The following EML4 variants were observed in gnomAD, a reference collection of about 807,000 sequenced individuals.
EML4 encodes the protein EMAP like 4, also known as echinoderm microtubule-associated protein-like 4.
A neutral mutation model predicts 129.0 loss-of-function variants in EML4; 72 were observed. That is an observed-to-expected ratio of 0.56 (90% CI 0.46 to 0.68). The LOEUF (loss-of-function observed/expected upper bound fraction) is 0.68, where lower values mean the gene tolerates loss of function less well. Among genes scored for constraint, EML4 ranks in the 30% least tolerant of loss-of-function variants. The probability of loss-of-function intolerance (pLI) is 0.00; values close to 1 mark genes in which losing one functional copy is unlikely to be tolerated. For synonymous variants in EML4, 532 were observed against 405.0 expected (o/e 1.31, Z -3.77); for missense variants, 1,363 against 1,190.6 (o/e 1.14, Z -2.13).
chr2:42,291,398 C>CTTTT (rs5830720), intron 11 of EML4, among the ~76,000 whole-genome samples: 12 of 123,146 alleles, frequency 9.7e-5, no homozygotes, highest in Non-Finnish European at 1.3e-4. Flanking sequence ...ATCAAGACAC[C>CTTTT]TTTTTTTTTT....
chr2:42,175,039 A>G (rs1215727948), intron 1 of EML4, among the ~76,000 whole-genome samples: 1 of 147,824 alleles, frequency 6.8e-6, no homozygotes, highest in Admixed American at 6.8e-5. Flanking sequence ...CTGGTCTTGA[A>G]CTCCTGACCT....
intron 2 of EML4, among the ~76,000 whole-genome samples, chr2:42,249,000 C>G (rs1227415629): frequency 6.6e-6 from 1 of 152,082 alleles, no homozygotes; most frequent in Non-Finnish European, 1.5e-5. Context: ...CAACTCTGAA[C>G]AGCTTTATCT....
chr2:42,265,775 A>G (rs1666027823), intron 6 of EML4, among the ~76,000 whole-genome samples: 1 of 152,226 alleles, frequency 6.6e-6, no homozygotes. Flanking sequence ...TGATGAGTCT[A>G]GCAAATCCAT....
chr2:42,258,174 T>C (rs1057040248), intron 3 of EML4, among the ~76,000 whole-genome samples: 1 of 152,132 alleles, frequency 6.6e-6, no homozygotes, highest in African/African-American at 2.4e-5. Flanking sequence ...TATTTTGCTT[T>C]TAAATAACCC....
intron 6 of EML4, among the ~76,000 whole-genome samples, chr2:42,276,974 C>G (rs142510456): frequency 2.0e-5 from 3 of 152,278 alleles, no homozygotes; most frequent in African/African-American, 7.2e-5. Flanking sequence ...CTTTGCTTTT[C>G]TACTTGGTTT....
chr2:42,258,550 G>A (rs1353321820), intron 3 of EML4, among the ~76,000 whole-genome samples: 1 of 151,986 alleles, frequency 6.6e-6, no homozygotes, highest in Non-Finnish European at 1.5e-5. Flanking sequence ...ACAGGCATGC[G>A]CCACCACACC....
intron 1 of EML4, among the ~76,000 whole-genome samples, chr2:42,236,008 A>G (rs1674652129): frequency 6.6e-6 from 1 of 152,174 alleles, no homozygotes. Flanking sequence ...AAAAGTTACA[A>G]TACATGTTTT....
intron 1 of EML4, among the ~76,000 whole-genome samples, chr2:42,195,226 GATAACTTCATC>G (rs980319000): frequency 6.6e-5 from 10 of 152,060 alleles, no homozygotes; most frequent in African/African-American, 2.4e-4. Context: ...GAGGGTATAT[GATAACTTCATC>G]ATGCTACCAG....
chr2:42,177,993 G>C (rs1214946600), intron 1 of EML4, among the ~76,000 whole-genome samples: 1 of 152,190 alleles, frequency 6.6e-6, no homozygotes, highest in Non-Finnish European at 1.5e-5. Context: ...CCCTATCTTT[G>C]AGAGAATAGG....
chr2:42,243,576 A>G (rs1246738419), intron 1 of EML4, among the ~76,000 whole-genome samples: 1 of 152,204 alleles, frequency 6.6e-6, no homozygotes, highest in Non-Finnish European at 1.5e-5. Flanking sequence ...CTTGCCTAAG[A>G]TTATGTAACT....
intron 7 of EML4, 150 bp from the exon 8 acceptor site, chr2:42,282,673 G>A (rs1333388492): frequency 1.5e-6 from 1 of 681,906 alleles, no homozygotes. Context: ...GATTACACGT[G>A]TGAGCACTCT....
intron 4 of EML4, 56 bp from the exon 5 acceptor site, chr2:42,263,122 A>T (rs900257401): frequency 7.1e-7 from 1 of 1,409,556 alleles, no homozygotes; most frequent in Non-Finnish European, 9.9e-7. Flanking sequence ...TTAAATTGTC[A>T]GTTACATGTC....
chr2:42,176,665 A>G lies in EML4; in HGVS notation c.25+7029A>G, dbSNP rs79575581. ...CAGCCCAAAGTATTCTTCCGTGAACACTTGATAGGACCACTCTTGGGGTAC... is the reference window on the plus strand; with the variant it reads ...CAGCCCAAAGTATTCTTCCGTGAACGCTTGATAGGACCACTCTTGGGGTAC... On this transcript the variant is annotated intron_variant, in intron 1 of 22. Transcript: ENST00000318522. 1.3e-4 allele frequency among the ~76,000 whole-genome samples: 20 copies of G among 152,312 alleles called. No individual in the cohort carries two copies. In the East Asian group the frequency reaches 3.5e-3, roughly 26 times the overall value.
At chr2:42,220,840 G>A (rs746545947) in intron 1 of EML4, among the ~76,000 whole-genome samples, 3 of 152,096 alleles carry the variant, frequency 2.0e-5, no homozygotes, top group Admixed American at 1.3e-4. Context: ...TTGCAGATAC[G>A]GAGAATGTTT....
intron 1 of EML4, among the ~76,000 whole-genome samples, chr2:42,217,380 A>G (rs1016329598): frequency 6.6e-6 from 1 of 152,190 alleles, no homozygotes; most frequent in Non-Finnish European, 1.5e-5. Context: ...TCTTCTCAGA[A>G]TTAACCTTTA....
At chr2:42,178,332 C>T (rs1340925755) in intron 1 of EML4, among the ~76,000 whole-genome samples, 2 of 151,708 alleles carry the variant, frequency 1.3e-5, no homozygotes, top group African/African-American at 4.8e-5. Context: ...CACTTGAGGC[C>T]TGGAGTTCAA....
chr2:42,330,382 T>A lies in EML4; in HGVS notation c.*175T>A. 1 of 698,538 alleles carries A rather than the reference T, an allele frequency of 1.4e-6. No homozygotes were observed. Among genetic ancestry groups the A allele is most frequent in the South Asian group, 1.6e-5 (1 of 64,500 alleles). The allele number at this position is 698,538 out of a possible 1,614,324, so 43.3% of individuals were successfully genotyped here. On this transcript the variant is annotated 3_prime_UTR_variant, in exon 23 of 23. Transcript: ENST00000318522. ...TCTCTCAAATACAGCCAACTTAAAG[T>A]TTTAGTTTGGTGTTTATTGAAAATT...
intron 2 of EML4, among the ~76,000 whole-genome samples, chr2:42,251,432 A>G (rs1242249107): frequency 2.0e-5 from 3 of 152,216 alleles, no homozygotes; most frequent in East Asian, 3.9e-4. Flanking sequence ...ATGAGAGTCA[A>G]ATGCTTCTTT....
intron 1 of EML4, among the ~76,000 whole-genome samples, chr2:42,243,529 A>G (rs987627113): frequency 1.3e-5 from 2 of 152,204 alleles, no homozygotes; most frequent in East Asian, 1.9e-4. Flanking sequence ...CCTTAAAACA[A>G]TCCTATTTAA....
Sources: allele counts gnomAD v4.1 joint callset (sites outside exome capture counted in the v4.1 genomes callset), GRCh38; gene constraint gnomAD v4.1.1; transcripts MANE v1.5; gene names NCBI Gene and HGNC (gene_info 2026-07-23, HGNC 2026-07-21).